CTNNA2: variants seen among roughly 807,000 people sequenced by gnomAD.
CTNNA2 encodes the protein catenin alpha 2.
Under a neutral mutation model 101.0 loss-of-function variants are expected in CTNNA2, and 42 were observed. The ratio of observed to expected loss-of-function variants is 0.42; its 90% CI spans 0.32 to 0.54. The LOEUF (loss-of-function observed/expected upper bound fraction) is 0.54, where lower values mean the gene tolerates loss of function less well. Ranked by LOEUF, CTNNA2 falls within the 20% of genes least tolerant of loss-of-function variation. The pLI is 0.14. For synonymous variants in CTNNA2, 450 were observed against 456.4 expected (o/e 0.99, Z 0.18); for missense variants, 871 against 1,223.1 (o/e 0.71, Z 4.29).
At chr2:80,490,679 T>C (rs1401216649) in intron 9 of CTNNA2, among the ~76,000 whole-genome samples, 1 of 152,100 alleles carries the variant, frequency 6.6e-6, no homozygotes, top group Non-Finnish European at 1.5e-5. Flanking sequence ...TTACCTATAG[T>C]ACATTTTCTA....
intron 4 of CTNNA2, among the ~76,000 whole-genome samples, chr2:79,475,239 G>GT (rs5832391): frequency 0.34 from 50,955 of 151,032 alleles, 9,024 homozygotes; most frequent in Non-Finnish European, 0.39. Context: ...CCTAAGCTGT[G>GT]TTTTTTTCAC....
At chr2:80,506,477 A>G (rs1273307538) in intron 9 of CTNNA2, among the ~76,000 whole-genome samples, 1 of 152,128 alleles carries the variant, frequency 6.6e-6, no homozygotes, top group Non-Finnish European at 1.5e-5. Flanking sequence ...CAAAGAGGGA[A>G]TAAGGTCTAC....
chr2:79,834,641 T>G (rs1190877644), intron 3 of CTNNA2, among the ~76,000 whole-genome samples: 1 of 152,060 alleles, frequency 6.6e-6, no homozygotes, highest in Non-Finnish European at 1.5e-5. Flanking sequence ...ATGTACTATT[T>G]TTTGCAAATA....
At chr2:79,632,104 A>G (rs193055952) in intron 1 of CTNNA2, among the ~76,000 whole-genome samples, 26 of 152,282 alleles carry the variant, frequency 1.7e-4, no homozygotes, top group Admixed American at 1.6e-3. Flanking sequence ...TTTCAAATCC[A>G]AATTCCGTAG....
At chr2:80,459,581 G>C (rs1195356235) in intron 9 of CTNNA2, among the ~76,000 whole-genome samples, 1 of 152,132 alleles carries the variant, frequency 6.6e-6, no homozygotes, top group Non-Finnish European at 1.5e-5. Flanking sequence ...AGAGTTAAGG[G>C]AGTCTGTTGA....
At chr2:80,492,530 A>G (rs1327748326) in intron 9 of CTNNA2, among the ~76,000 whole-genome samples, 6 of 152,186 alleles carry the variant, frequency 3.9e-5, no homozygotes, top group East Asian at 1.9e-4. Context: ...CTGAAACACA[A>G]TTCTCTCTAA....
At chr2:79,409,954 C>G (rs1473746083) in intron 4 of CTNNA2, among the ~76,000 whole-genome samples, 226 of 151,974 alleles carry the variant, frequency 1.5e-3, no homozygotes, top group Middle Eastern at 3.4e-3. Flanking sequence ...TCTTCCATGT[C>G]TTTGTATCCT....
At chr2:80,024,030 T>A (rs1574567674) in intron 7 of CTNNA2, among the ~76,000 whole-genome samples, 1 of 139,132 alleles carries the variant, frequency 7.2e-6, no homozygotes, top group African/African-American at 2.8e-5. Context: ...GAGCTTGCAG[T>A]GAGCCAAGAT....
chr2:79,790,574 G>A (rs1178596238), intron 3 of CTNNA2, among the ~76,000 whole-genome samples: 1 of 152,192 alleles, frequency 6.6e-6, no homozygotes, highest in Non-Finnish European at 1.5e-5. Context: ...TCAGTGTAAT[G>A]TTAGAAATAC....
At chr2:80,168,865 A>G (rs1227877063) in intron 7 of CTNNA2, among the ~76,000 whole-genome samples, 1 of 152,094 alleles carries the variant, frequency 6.6e-6, no homozygotes, top group Non-Finnish European at 1.5e-5. Flanking sequence ...TTTCCAACCC[A>G]GTTGATTCCC....
chr2:79,552,340 G>A (rs1674160305), intron 1 of CTNNA2, among the ~76,000 whole-genome samples: 1 of 152,112 alleles, frequency 6.6e-6, no homozygotes, highest in African/African-American at 2.4e-5. Context: ...GCAAGGGTGG[G>A]CTCCCAAGGC....
chr2:79,941,789 T>C (rs1182335286), intron 7 of CTNNA2, among the ~76,000 whole-genome samples: 1 of 152,026 alleles, frequency 6.6e-6, no homozygotes, highest in Non-Finnish European at 1.5e-5. Context: ...GGGCTAATTT[T>C]TGTATTTGCA....
intron 7 of CTNNA2, among the ~76,000 whole-genome samples, chr2:80,015,316 T>C (rs1256926994): frequency 6.6e-6 from 1 of 152,170 alleles, no homozygotes; most frequent in Non-Finnish European, 1.5e-5. Context: ...AACCCAATGC[T>C]ATAATTGAGA....
chr2:79,852,735 G>A (rs183458571), intron 3 of CTNNA2, among the ~76,000 whole-genome samples: 1 of 151,958 alleles, frequency 6.6e-6, no homozygotes, highest in South Asian at 2.1e-4. Flanking sequence ...GGGACTACAG[G>A]TGCACACCAC....
At chr2:80,162,941 A>T in intron 7 of CTNNA2, 2 of 1,541,700 alleles carry the variant, frequency 1.3e-6, no homozygotes, top group Middle Eastern at 3.4e-4. Context: ...TTCCAACATG[A>T]TATTGGGGAT....
chr2:79,550,584 C>G (rs1419184342), intron 1 of CTNNA2, among the ~76,000 whole-genome samples: 1 of 152,178 alleles, frequency 6.6e-6, no homozygotes, highest in African/African-American at 2.4e-5. Context: ...TTAAAATGCC[C>G]AAATGTTACC....
In CTNNA2 at chr2:80,563,910, C is replaced by T. The variant is rs989830805; in HGVS notation, c.1741+8017C>T. Among the ~76,000 whole-genome samples the T allele has an allele frequency of 3.3e-5, 5 of 152,272 alleles. No individual in the cohort carries two copies. The East Asian group carries it at 9.6e-4, about 29-fold the overall frequency. On this transcript the variant is annotated intron_variant, in intron 12 of 18. Coordinates refer to ENST00000402739, the MANE Select transcript of CTNNA2 (RefSeq NM_001282597.3). ...CTGTCCTAGTGTTTATATCTGTCTTCTGTCCATCTTAGTACCTGAGGCATG... is the reference window on the plus strand; with the variant it reads ...CTGTCCTAGTGTTTATATCTGTCTTTTGTCCATCTTAGTACCTGAGGCATG...
At chr2:80,645,358 T>TG (rs138369483) in intron 18 of CTNNA2, among the ~76,000 whole-genome samples, 1 of 152,094 alleles carries the variant, frequency 6.6e-6, no homozygotes. Flanking sequence ...CACTTCTACC[T>TG]GGGGGTAAGA....
intron 7 of CTNNA2, among the ~76,000 whole-genome samples, chr2:79,937,656 AAGAAGATACTGAAGCCGGCCAAGGG>A (rs1687879405): frequency 1.3e-5 from 2 of 152,242 alleles, no homozygotes; most frequent in Admixed American, 6.5e-5. Context: ...ATTAAATATT[AAGAAGATACTGAAGCCGGCCAAGGG>A]CCCTGTTCCC....
Sources: gnomAD v4.1 joint callset for allele counts (sites outside exome capture counted in the v4.1 genomes callset) on GRCh38, gnomAD v4.1.1 for gene constraint, MANE v1.5 for transcripts, NCBI Gene and HGNC (gene_info 2026-07-23, HGNC 2026-07-21) for gene names.